The following PIP5K1B variants were observed in gnomAD, a reference collection of about 807,000 sequenced individuals.
The protein encoded by PIP5K1B is phosphatidylinositol-4-phosphate 5-kinase type 1 beta.
A neutral mutation model predicts 67.0 loss-of-function variants in PIP5K1B; 42 were observed. The ratio of observed to expected loss-of-function variants is 0.63; its 90% CI spans 0.49 to 0.81. PIP5K1B has a LOEUF of 0.81. PIP5K1B is among the 30% of genes least tolerant of loss of function. The pLI is 0.00. For synonymous variants in PIP5K1B, 214 were observed against 231.4 expected, an observed-to-expected ratio of 0.92 and a Z score of 0.68; for missense variants, 459 against 646.3, an observed-to-expected ratio of 0.71 and a Z score of 3.14.
chr9:68,854,615 C>T (rs1822676913), intron 4 of PIP5K1B, among the ~76,000 whole-genome samples: 1 of 152,112 alleles, frequency 6.6e-6, no homozygotes, highest in Non-Finnish European at 1.5e-5. Context: ...AAGGCCTTGA[C>T]CTAAAAGAAA....
chr9:68,761,667 C>G (rs7039246), intron 2 of PIP5K1B, among the ~76,000 whole-genome samples: 1 of 152,074 alleles, frequency 6.6e-6, no homozygotes, highest in East Asian at 1.9e-4. Flanking sequence ...GGCCTCCTTC[C>G]GTCTTCAAAG....
chr9:68,844,288 A>T (rs2132167852), intron 4 of PIP5K1B, among the ~76,000 whole-genome samples: 1 of 152,338 alleles, frequency 6.6e-6, no homozygotes, highest in Middle Eastern at 3.4e-3. Context: ...GCGTTGTTGG[A>T]AAGAGTGTGG....
intron 2 of PIP5K1B, chr9:68,789,192 A>C (rs1438536472): frequency 1.9e-6 from 1 of 537,042 alleles, no homozygotes; most frequent in Non-Finnish European, 3.6e-6. Flanking sequence ...TCCAGTGGGA[A>C]GTTGGTCACC....
chr9:68,913,833 CT>C (rs1266576286), intron 8 of PIP5K1B, among the ~76,000 whole-genome samples: 7 of 152,046 alleles, frequency 4.6e-5, no homozygotes, highest in Admixed American at 2.6e-4. Context: ...TTTTTTATCA[CT>C]TTTTCAAAAG....
At chr9:68,888,593 G>A (rs1308225900) in intron 6 of PIP5K1B, among the ~76,000 whole-genome samples, 1 of 152,084 alleles carries the variant, frequency 6.6e-6, no homozygotes, top group Non-Finnish European at 1.5e-5. Context: ...AAGAGAATAG[G>A]GTTGGTGTTC....
At chr9:68,797,580 T>C (rs1264845471) in intron 2 of PIP5K1B, among the ~76,000 whole-genome samples, 1 of 152,230 alleles carries the variant, frequency 6.6e-6, no homozygotes, top group African/African-American at 2.4e-5. Flanking sequence ...CATTTGACCC[T>C]GAAAGATCAG....
chr9:68,752,011 T>C (rs1829657500), intron 2 of PIP5K1B, among the ~76,000 whole-genome samples: 1 of 152,238 alleles, frequency 6.6e-6, no homozygotes, highest in Non-Finnish European at 1.5e-5. Context: ...ACATTTTATA[T>C]ATATGGAATA....
chr9:68,922,391 A>G (rs1826448077), intron 11 of PIP5K1B, among the ~76,000 whole-genome samples: 1 of 148,398 alleles, frequency 6.7e-6, no homozygotes, highest in Admixed American at 7.0e-5. Flanking sequence ...TGAATCCGGG[A>G]GGCGGAGGTT....
intron 1 of PIP5K1B, among the ~76,000 whole-genome samples, chr9:68,729,317 A>C (rs901033759): frequency 6.6e-6 from 1 of 152,156 alleles, no homozygotes; most frequent in Non-Finnish European, 1.5e-5. Context: ...TGAAATATAT[A>C]ATTTTTAAAT....
chr9:68,752,271 G>GT (rs1829670715), intron 2 of PIP5K1B, among the ~76,000 whole-genome samples: 1 of 152,156 alleles, frequency 6.6e-6, no homozygotes, highest in Admixed American at 6.5e-5. Flanking sequence ...ACTTTATAAT[G>GT]TCATACATTA....
intron 2 of PIP5K1B, among the ~76,000 whole-genome samples, chr9:68,750,359 C>A (rs777121489): frequency 6.6e-6 from 1 of 152,148 alleles, no homozygotes; most frequent in Non-Finnish European, 1.5e-5. Context: ...TATATAATTC[C>A]CTGGATAAGC....
intron 8 of PIP5K1B, among the ~76,000 whole-genome samples, chr9:68,897,718 A>G (rs1825159351): frequency 1.3e-5 from 2 of 152,254 alleles, no homozygotes; most frequent in South Asian, 4.2e-4. Flanking sequence ...AGAATCCCAG[A>G]CCTTTGGACC....
chr9:68,783,198 CAGAT>C (rs747544248), intron 2 of PIP5K1B: 5 of 167,130 alleles, frequency 3.0e-5, no homozygotes, highest in Non-Finnish European at 5.9e-5. Flanking sequence ...TCTTTAGCCT[CAGAT>C]AGAAGGACCT....
intron 4 of PIP5K1B, among the ~76,000 whole-genome samples, chr9:68,851,764 G>C (rs1365454102): frequency 6.6e-6 from 1 of 152,228 alleles, no homozygotes; most frequent in Non-Finnish European, 1.5e-5. Context: ...TTTGCATAGA[G>C]GCAAGAGGAT....
At chr9:68,912,122 C>T (rs1000171042) in intron 8 of PIP5K1B, among the ~76,000 whole-genome samples, 1 of 152,146 alleles carries the variant, frequency 6.6e-6, no homozygotes, top group Admixed American at 6.5e-5. Flanking sequence ...TGAAATACCC[C>T]CCAGTCGAAA....
intron 2 of PIP5K1B, among the ~76,000 whole-genome samples, chr9:68,805,400 T>A (rs1832818265): frequency 6.6e-6 from 1 of 152,294 alleles, no homozygotes; most frequent in Admixed American, 6.5e-5. Context: ...CTCCTTCTGG[T>A]GAGAGTAGCT....
intron 13 of PIP5K1B, among the ~76,000 whole-genome samples, chr9:68,939,504 C>A (rs537068727): frequency 5.3e-5 from 8 of 152,326 alleles, no homozygotes; most frequent in African/African-American, 1.9e-4. Context: ...GATTGCAAGC[C>A]AGGTGTCACA....
chr9:68,756,932 A>G (rs1829956218), intron 2 of PIP5K1B, among the ~76,000 whole-genome samples: 1 of 152,224 alleles, frequency 6.6e-6, no homozygotes, highest in South Asian at 2.1e-4. Context: ...AATTATTAAT[A>G]TATTTTCTAT....
At chr9:68,781,153 C>G in intron 2 of PIP5K1B, 1 of 1,274,846 alleles carries the variant, frequency 7.8e-7, no homozygotes, top group Non-Finnish European at 1.1e-6. Flanking sequence ...TTTTGAAATT[C>G]CCTGAAATGA....
Sources: gnomAD v4.1 joint callset for allele counts (sites outside exome capture counted in the v4.1 genomes callset) on GRCh38, gnomAD v4.1.1 for gene constraint, MANE v1.5 for transcripts, NCBI Gene and HGNC (gene_info 2026-07-23, HGNC 2026-07-21) for gene names.